Variants in SLC35A3 observed in about 807,000 individuals in gnomAD.
The protein encoded by SLC35A3 is UDP-N-acetylglucosamine transporter.
SLC35A3 carries 26 observed loss-of-function variants against 39.0 expected under a neutral mutation model. The observed-to-expected ratio is 0.67, with a 90% confidence interval of 0.49 to 0.92. SLC35A3 has a LOEUF of 0.92. SLC35A3 is among the 40% of genes least tolerant of loss of function. The pLI, the probability that SLC35A3 is intolerant of heterozygous loss-of-function variation, is 0.00. For missense variants in SLC35A3, 299 were observed against 371.6 expected, an observed-to-expected ratio of 0.80 and a Z score of 1.61; for synonymous variants, 135 against 133.1, an observed-to-expected ratio of 1.01 and a Z score of -0.10.
chr1:100,022,574 T>A lies in SLC35A3; in HGVS notation c.*98T>A. The A allele has an allele frequency of 1.7e-6, 1 of 573,220 alleles. No homozygotes were observed. The highest frequency in any genetic ancestry group is 3.4e-5 in the Admixed American group (1 of 29,190). 35.5% of individuals were successfully genotyped at this position (573,220 alleles called of 1,614,324 possible). On this transcript the variant is annotated 3_prime_UTR_variant, in exon 8 of 8. Transcript: ENST00000533028. The stretch of plus-strand genomic sequence containing the variant: ...TTCTACAGAGTCTGAGAAGATATCA[T>A]CATGCTGAATCTGATCATACTGTTT...
chr1:99,994,246 A>T (rs1478789111), intron 2 of SLC35A3, among the ~76,000 whole-genome samples: 2 of 152,188 alleles, frequency 1.3e-5, no homozygotes, highest in East Asian at 3.8e-4. Flanking sequence ...GTATATACAC[A>T]TAACATAAAA....
chr1:100,006,156 G>A (rs533888627), intron 3 of SLC35A3, among the ~76,000 whole-genome samples: 1 of 152,278 alleles, frequency 6.6e-6, no homozygotes, highest in African/African-American at 2.4e-5. Flanking sequence ...TTCGACTGAA[G>A]TTGTTAGTGG....
chr1:100,022,320 A>G, intron 7 of SLC35A3, 66 bp from the exon 8 acceptor site: 1 of 818,684 alleles, frequency 1.2e-6, no homozygotes, highest in Non-Finnish European at 2.0e-6. Flanking sequence ...TAGTAAAGAA[A>G]TAGAAGGAAC....
At chr1:100,015,214 G>T in intron 5 of SLC35A3, 88 bp from the exon 6 acceptor site, 2 of 1,100,494 alleles carry the variant, frequency 1.8e-6, no homozygotes, top group Non-Finnish European at 2.4e-6. Flanking sequence ...AAAAAGTTAA[G>T]TGTAAAATTA....
At chr1:99,970,492 C>A in intron 1 of SLC35A3, 1 of 1,403,586 alleles carries the variant, frequency 7.1e-7, no homozygotes, top group Non-Finnish European at 9.7e-7. Context: ...GAGCTAGTGA[C>A]GGGTGGGCCC....
At chr1:99,984,831 A>G (rs1165555672) in intron 1 of SLC35A3, among the ~76,000 whole-genome samples, 1 of 152,144 alleles carries the variant, frequency 6.6e-6, no homozygotes, top group African/African-American at 2.4e-5. Flanking sequence ...TTCCCTGATA[A>G]TTAGTGATAT....
chr1:99,970,903 G>A (rs779585671), intron 1 of SLC35A3, among the ~76,000 whole-genome samples: 3 of 152,192 alleles, frequency 2.0e-5, no homozygotes, highest in Non-Finnish European at 4.4e-5. Context: ...GGAATGACTT[G>A]TAAACTTATA....
chr1:99,980,436 A>C (rs188680704), intron 1 of SLC35A3, among the ~76,000 whole-genome samples: 2 of 152,324 alleles, frequency 1.3e-5, no homozygotes, highest in Non-Finnish European at 1.5e-5. Flanking sequence ...TTTCCAAATC[A>C]ATGCATTTCT....
intron 1 of SLC35A3, among the ~76,000 whole-genome samples, chr1:99,989,947 AG>A (rs1286201212): frequency 6.6e-6 from 1 of 151,762 alleles, no homozygotes; most frequent in African/African-American, 2.4e-5. Context: ...TGTAGAACTG[AG>A]GTCTCACTTT....
intron 4 of SLC35A3, among the ~76,000 whole-genome samples, chr1:100,009,998 A>ATG (rs1327583453): frequency 1.1e-4 from 16 of 152,294 alleles, no homozygotes; most frequent in African/African-American, 3.6e-4. Context: ...CTGTAGAACT[A>ATG]CACTGTCCAG....
Position 100,030,589 on chromosome 1 carries a change from C to T in SLC35A3, c.*8113C>T, listed in dbSNP as rs1365059294. 1 of 152,144 alleles carries T rather than the reference C, an allele frequency of 6.6e-6. No homozygotes were observed. The highest frequency in any genetic ancestry group is 2.4e-5 in the African/African-American group (1 of 41,410). The allele number at this position is 152,144 out of a possible 1,614,324, so 9.4% of individuals were successfully genotyped here. ...CCCAGGGAAGCCAAAAGATTGGACA[C>T]CCCAGCTTTAAATGTAGAGTATTTA... On this transcript the variant is annotated 3_prime_UTR_variant, in exon 8 of 8. Transcript: ENST00000533028.
chr1:100,018,739 C>T (rs1660334658), intron 7 of SLC35A3, among the ~76,000 whole-genome samples: 1 of 152,146 alleles, frequency 6.6e-6, no homozygotes, highest in African/African-American at 2.4e-5. Flanking sequence ...CTCTGCCTCT[C>T]AGAGTGCTGG....
intron 1 of SLC35A3, among the ~76,000 whole-genome samples, chr1:99,981,281 CTCTTA>C (rs1200363135): frequency 6.6e-6 from 1 of 152,050 alleles, no homozygotes; most frequent in Non-Finnish European, 1.5e-5. Context: ...CATATATACT[CTCTTA>C]TGTCATTAAC....
At chr1:99,975,160 C>CA (rs1433725700) in intron 1 of SLC35A3, 1 of 152,094 alleles carries the variant, frequency 6.6e-6, no homozygotes, top group Non-Finnish European at 1.5e-5. Flanking sequence ...AGGATGGTCT[C>CA]AGACTTCTGG....
intron 3 of SLC35A3, among the ~76,000 whole-genome samples, chr1:100,000,204 A>T (rs1465045025): frequency 6.6e-6 from 1 of 152,168 alleles, no homozygotes; most frequent in Admixed American, 6.5e-5. Context: ...GCAACAATGT[A>T]CAAGAGCTCC....
At chr1:99,992,842 G>A (rs1658167650) in intron 1 of SLC35A3, among the ~76,000 whole-genome samples, 1 of 152,120 alleles carries the variant, frequency 6.6e-6, no homozygotes, top group South Asian at 2.1e-4. Flanking sequence ...TTAATAGACA[G>A]CCACTGGGGA....
In SLC35A3 at chr1:100,032,872, A is replaced by G. The variant is rs1018843889; in HGVS notation, c.*10396A>G. On this transcript the variant is annotated 3_prime_UTR_variant, in exon 8 of 8. Coordinates refer to ENST00000533028, the MANE Select transcript of SLC35A3 (RefSeq NM_012243.3). ...TCTTGTGTTTTTTAAACATGACCAC[A>G]TTAGTCTTTTAGTCCTTATTTGCTT... 2.6e-5 allele frequency: 4 copies of G among 152,192 alleles called. No individual in the cohort carries two copies. Among genetic ancestry groups the G allele is most frequent in the Non-Finnish European group, 5.9e-5 (4 of 68,050 alleles). 9.4% of individuals were successfully genotyped at this position (152,192 alleles called of 1,614,324 possible).
rs1206317560 is a variant in SLC35A3 at position 100,027,057 on chromosome 1, T to C, written c.*4581T>C. 1 of 397,288 alleles carries C rather than the reference T, an allele frequency of 2.5e-6. No individual in the cohort carries two copies. Among genetic ancestry groups the C allele is most frequent in the Non-Finnish European group, 4.4e-6 (1 of 225,604 alleles). The allele number at this position is 397,288 out of a possible 1,614,324, so 24.6% of individuals were successfully genotyped here. A position where few individuals can be genotyped will look rare whatever the true frequency, so the allele number is the denominator to read the frequency against. The stretch of plus-strand genomic sequence containing the variant: ...TATGAATTAGTCTTCTCTCTTTATA[T>C]ATCAAAAATGAATTACTGATCTTTT... On this transcript the variant is annotated 3_prime_UTR_variant, in exon 8 of 8. Coordinates refer to ENST00000533028, the MANE Select transcript of SLC35A3 (RefSeq NM_012243.3).
At chr1:99,999,735 C>T (rs1658636429) in intron 3 of SLC35A3, among the ~76,000 whole-genome samples, 1 of 152,018 alleles carries the variant, frequency 6.6e-6, no homozygotes, top group Admixed American at 6.6e-5. Flanking sequence ...CTTTATTCCT[C>T]CCCCTGCCCT....
Sources: gnomAD v4.1 joint callset for allele counts (sites outside exome capture counted in the v4.1 genomes callset) on GRCh38, gnomAD v4.1.1 for gene constraint, MANE v1.5 for transcripts, NCBI Gene and HGNC (gene_info 2026-07-23, HGNC 2026-07-21) for gene names.